SPOCK3: variants seen among roughly 807,000 people sequenced by gnomAD.
The protein encoded by SPOCK3 is testican-3.
Under a neutral mutation model 56.6 loss-of-function variants are expected in SPOCK3, and 30 were observed. The observed-to-expected ratio is 0.53, with a 90% CI of 0.40 to 0.72. The LOEUF is 0.72. Ranked by LOEUF, SPOCK3 falls within the 30% of genes least tolerant of loss-of-function variation. The probability of loss-of-function intolerance (pLI) is 0.00; values close to 1 mark genes in which losing one functional copy is unlikely to be tolerated. For missense variants in SPOCK3, 527 were observed against 530.0 expected, an observed-to-expected ratio of 0.99 and a Z score of 0.06; for synonymous variants, 196 against 183.3, an observed-to-expected ratio of 1.07 and a Z score of -0.56.
At chr4:167,228,246 G>C (rs1736796146) in intron 2 of SPOCK3, among the ~76,000 whole-genome samples, 1 of 152,042 alleles carries the variant, frequency 6.6e-6, no homozygotes. Context: ...CATATATGTA[G>C]ATATACATTT....
At chr4:166,885,013 A>T (rs1231117666) in intron 6 of SPOCK3, among the ~76,000 whole-genome samples, 2 of 152,202 alleles carry the variant, frequency 1.3e-5, no homozygotes, top group East Asian at 3.9e-4. Context: ...TAGTATTTTT[A>T]AAAATGCAGA....
chr4:167,018,563 T>C (rs1311870760), intron 3 of SPOCK3, among the ~76,000 whole-genome samples: 1 of 152,138 alleles, frequency 6.6e-6, no homozygotes, highest in Non-Finnish European at 1.5e-5. Context: ...TGCTCAATTG[T>C]TGGTTCTTCC....
chr4:166,936,756 G>C lies in SPOCK3; in HGVS notation c.351-24013C>G, dbSNP rs559740925. Among the ~76,000 whole-genome samples, 161 of 152,004 alleles carry C rather than the reference G, an allele frequency of 1.1e-3. 2 individuals carry two copies. The South Asian group carries it at 0.018, about 17-fold the overall frequency. ...CCTTATTTCTACTTTTAGTTTTAAT[G>C]ACTGATTCTTATTCTACTGTCTTGA... On this transcript the variant is annotated intron_variant, in intron 4 of 10. Transcript: ENST00000357545.
chr4:167,051,746 C>A (rs994759274), intron 3 of SPOCK3, among the ~76,000 whole-genome samples: 1 of 152,190 alleles, frequency 6.6e-6, no homozygotes, highest in African/African-American at 2.4e-5. Flanking sequence ...GCAATCTGGA[C>A]TTTGCAGTGA....
chr4:167,067,370 A>C (rs551383816), intron 2 of SPOCK3, among the ~76,000 whole-genome samples: 1 of 152,012 alleles, frequency 6.6e-6, no homozygotes, highest in African/African-American at 2.4e-5. Context: ...AACTGCTATA[A>C]AAAGATCACA....
At chr4:167,134,022 CTTTTTTTTTTTTT>C (rs34410893) in intron 2 of SPOCK3, among the ~76,000 whole-genome samples, 2 of 80,552 alleles carry the variant, frequency 2.5e-5, no homozygotes, top group Admixed American at 3.3e-4. Flanking sequence ...ACACCTTTTT[CTTTTTTTTTTTTT>C]TTTTTTTTTT....
intron 6 of SPOCK3, among the ~76,000 whole-genome samples, chr4:166,874,236 C>T (rs929378746): frequency 6.6e-6 from 1 of 152,090 alleles, no homozygotes; most frequent in African/African-American, 2.4e-5. Context: ...ACAGCATTCT[C>T]CTGAGCTGAA....
intron 2 of SPOCK3, among the ~76,000 whole-genome samples, chr4:167,191,228 A>G (rs1313735177): frequency 6.9e-6 from 1 of 145,730 alleles, no homozygotes; most frequent in East Asian, 2.1e-4. Context: ...GATTGTATGG[A>G]TATTTTAAAT....
chr4:167,124,697 T>C lies in SPOCK3; in HGVS notation c.190-62160A>G, dbSNP rs116396952. Among the ~76,000 whole-genome samples the C allele has an allele frequency of 9.1e-3, 1,390 of 152,336 alleles. 11 individuals are homozygous for C. The highest frequency in any genetic ancestry group is 0.013 in the Non-Finnish European group (908 of 68,026). ...TTGATTTTCTACAAATTAAACTGAA[T>C]GCCTCTTTTGAAACATAAATTGAAT... On this transcript the variant is annotated intron_variant, in intron 2 of 10. Transcript: ENST00000357545.
At chr4:167,065,037 C>CAAAAAAAAAAAAAAAAAA (rs56284627) in intron 2 of SPOCK3, among the ~76,000 whole-genome samples, 686 of 63,982 alleles carry the variant, frequency 0.011, 60 homozygotes, top group African/African-American at 0.018. Flanking sequence ...ATGCCCTCTC[C>CAAAAAAAAAAAAAAAAAA]AAAAAAAAAA....
At chr4:167,000,308 A>C in intron 4 of SPOCK3, 41 bp downstream of exon 4, 20 of 926,536 alleles carry the variant, frequency 2.2e-5, no homozygotes, top group South Asian at 3.0e-5. Context: ...CCTGGTAAGG[A>C]GCGCTGTTCA....
At chr4:167,167,457 T>C (rs1477971807) in intron 2 of SPOCK3, among the ~76,000 whole-genome samples, 1 of 152,210 alleles carries the variant, frequency 6.6e-6, no homozygotes, top group Admixed American at 6.5e-5. Flanking sequence ...GTAATTACCT[T>C]GAGTCAAACT....
intron 3 of SPOCK3, among the ~76,000 whole-genome samples, chr4:167,014,257 T>C (rs1051179463): frequency 2.2e-5 from 3 of 139,484 alleles, no homozygotes; most frequent in Non-Finnish European, 4.6e-5. Context: ...CTAAATAAAT[T>C]CTACTTTTTC....
intron 2 of SPOCK3, among the ~76,000 whole-genome samples, chr4:167,096,259 C>A (rs1759143782): frequency 6.6e-6 from 1 of 151,770 alleles, no homozygotes; most frequent in East Asian, 1.9e-4. Context: ...ATTTTAAAAG[C>A]AGTTGTTATT....
intron 6 of SPOCK3, among the ~76,000 whole-genome samples, chr4:166,797,160 A>G (rs1370497309): frequency 6.6e-6 from 1 of 151,200 alleles, no homozygotes; most frequent in Non-Finnish European, 1.5e-5. Flanking sequence ...CTCTATTTTT[A>G]TACCTCACTG....
At chr4:166,824,594 T>C (rs1745267952) in intron 6 of SPOCK3, among the ~76,000 whole-genome samples, 1 of 152,094 alleles carries the variant, frequency 6.6e-6, no homozygotes, top group Non-Finnish European at 1.5e-5. Flanking sequence ...AATAAAGACA[T>C]GAGGAAGAAT....
chr4:166,949,410 G>T (rs974898415), intron 4 of SPOCK3, among the ~76,000 whole-genome samples: 50 of 152,116 alleles, frequency 3.3e-4, no homozygotes, highest in Non-Finnish European at 6.2e-4. Flanking sequence ...GAGGAGGAGA[G>T]GTGCTCTGCT....
intron 2 of SPOCK3, among the ~76,000 whole-genome samples, chr4:167,154,728 C>T (rs1764679598): frequency 6.6e-6 from 1 of 152,170 alleles, no homozygotes; most frequent in African/African-American, 2.4e-5. Context: ...TCAATCTTCA[C>T]ATTACAGAAT....
intron 6 of SPOCK3, among the ~76,000 whole-genome samples, chr4:166,849,679 T>C (rs758109457): frequency 3.3e-5 from 5 of 152,330 alleles, no homozygotes; most frequent in Middle Eastern, 3.4e-3. Flanking sequence ...CACATTGTTG[T>C]ATAATTACAA....
Sources: allele counts gnomAD v4.1 joint callset (sites outside exome capture counted in the v4.1 genomes callset), GRCh38; gene constraint gnomAD v4.1.1; transcripts MANE v1.5; gene names NCBI Gene and HGNC (gene_info 2026-07-23, HGNC 2026-07-21).